MCTP1: variants seen among roughly 807,000 people sequenced by gnomAD.
MCTP1 encodes the protein multiple C2 and transmembrane domain containing 1.
Under a neutral mutation model 120.6 loss-of-function variants are expected in MCTP1, and 69 were observed. The observed-to-expected ratio is 0.57, with a 90% CI of 0.47 to 0.70. MCTP1 has a LOEUF of 0.70. MCTP1 is among the 30% of genes least tolerant of loss of function. The pLI is 0.00. For synonymous variants in MCTP1, 529 were observed against 493.1 expected (o/e 1.07, Z -0.96); for missense variants, 1,203 against 1,248.8 (o/e 0.96, Z 0.55).
chr5:95,281,491 C>T (rs928829923), intron 1 of MCTP1, among the ~76,000 whole-genome samples: 13 of 152,312 alleles, frequency 8.5e-5, no homozygotes, highest in Non-Finnish European at 1.9e-4. Context: ...GAAATCTCTC[C>T]ACTTCCCAGA....
intron 9 of MCTP1, 46 bp downstream of exon 9, chr5:94,912,760 C>G (rs1809069578): frequency 6.9e-7 from 1 of 1,458,764 alleles, no homozygotes; most frequent in Non-Finnish European, 9.1e-7. Context: ...ATTAACCAAC[C>G]AATGCCTTCC....
chr5:94,881,865 A>C (rs892159808), intron 12 of MCTP1, among the ~76,000 whole-genome samples: 3 of 152,166 alleles, frequency 2.0e-5, no homozygotes, highest in Admixed American at 6.6e-5. Context: ...CAGATATACC[A>C]GTTGAAAATA....
In MCTP1 at chr5:94,819,458, C is replaced by A. The variant is rs1785190319; in HGVS notation, c.2437-20326G>T. 2.0e-5 allele frequency among the ~76,000 whole-genome samples: 3 copies of A among 152,084 alleles called. No homozygotes were observed. In the South Asian group the frequency reaches 6.2e-4, roughly 32 times the overall value. ...ACTACTTCAAATTTATACTCCTTGT[C>A]TCTGATTGGCTTCCCTTAGCACTCT... On this transcript the variant is annotated intron_variant, in intron 17 of 22. Transcript: ENST00000515393.
At chr5:95,174,137 G>T in intron 1 of MCTP1, among the ~76,000 whole-genome samples, 1 of 152,168 alleles carries the variant, frequency 6.6e-6, no homozygotes, top group African/African-American at 2.4e-5. Flanking sequence ...CTTGCTAGGG[G>T]AGGGGCATGA....
chr5:95,111,719 G>T (rs923662707), intron 1 of MCTP1, among the ~76,000 whole-genome samples: 3 of 152,170 alleles, frequency 2.0e-5, no homozygotes, highest in African/African-American at 4.8e-5. Context: ...AATTGAACAT[G>T]ACAAGTCAGT....
At chr5:95,073,056 A>G (rs1328731021) in intron 1 of MCTP1, among the ~76,000 whole-genome samples, 3 of 152,216 alleles carry the variant, frequency 2.0e-5, no homozygotes, top group East Asian at 3.9e-4. Flanking sequence ...CCTCTTTCTC[A>G]AGCCCTGTGC....
chr5:94,773,112 G>A (rs1164681708), intron 19 of MCTP1, among the ~76,000 whole-genome samples: 1 of 152,146 alleles, frequency 6.6e-6, no homozygotes, highest in Non-Finnish European at 1.5e-5. Context: ...AGGAGAAATG[G>A]ATCCTTCCCT....
intron 2 of MCTP1, among the ~76,000 whole-genome samples, chr5:94,968,023 T>C (rs1825994314): frequency 6.6e-6 from 1 of 152,202 alleles, no homozygotes; most frequent in Non-Finnish European, 1.5e-5. Flanking sequence ...TTTTAGTGAT[T>C]GAGAGTCCTT....
At chr5:95,173,451 A>G (rs1041640771) in intron 1 of MCTP1, among the ~76,000 whole-genome samples, 6 of 152,212 alleles carry the variant, frequency 3.9e-5, no homozygotes, top group African/African-American at 7.2e-5. Flanking sequence ...GACTACAAGG[A>G]GAGACTCCTA....
At chr5:94,782,884 G>A (rs1191332001) in intron 18 of MCTP1, among the ~76,000 whole-genome samples, 3 of 152,016 alleles carry the variant, frequency 2.0e-5, no homozygotes, top group Admixed American at 6.6e-5. Flanking sequence ...TACGAAGTTC[G>A]GTTTTTTCTC....
chr5:94,859,276 CTATT>C (rs1795285699), intron 17 of MCTP1, among the ~76,000 whole-genome samples: 1 of 151,564 alleles, frequency 6.6e-6, no homozygotes, highest in African/African-American at 2.4e-5. Context: ...GAACAAAACT[CTATT>C]TAAAAAAATT....
At chr5:95,224,100 G>T (rs12108709) in intron 1 of MCTP1, among the ~76,000 whole-genome samples, 25,302 of 152,112 alleles carry the variant, frequency 0.17, 2,249 homozygotes, top group African/African-American at 0.24. Flanking sequence ...AAATGCAATG[G>T]CTCTGGTGGT....
At chr5:94,735,770 A>G (rs1764088280) in intron 19 of MCTP1, among the ~76,000 whole-genome samples, 1 of 132,114 alleles carries the variant, frequency 7.6e-6, no homozygotes, top group Admixed American at 8.3e-5. Context: ...ATTTCCACCA[A>G]AATTGCTACA....
intron 1 of MCTP1, among the ~76,000 whole-genome samples, chr5:95,122,193 C>G (rs918385302): frequency 2.7e-5 from 4 of 149,292 alleles, no homozygotes; most frequent in Admixed American, 1.3e-4. Flanking sequence ...AGTAAACAAT[C>G]AACAAAGTGA....
At chr5:95,234,648 C>T (rs1410200961) in intron 1 of MCTP1, among the ~76,000 whole-genome samples, 7 of 152,080 alleles carry the variant, frequency 4.6e-5, no homozygotes, top group Non-Finnish European at 8.8e-5. Context: ...ATATTTAAAA[C>T]TTATCCGTGA....
chr5:95,012,789 C>T (rs1463075040), intron 2 of MCTP1, among the ~76,000 whole-genome samples: 1 of 152,118 alleles, frequency 6.6e-6, no homozygotes, highest in African/African-American at 2.4e-5. Context: ...TCCTTCTCCT[C>T]AGGCCTCCCT....
intron 1 of MCTP1, among the ~76,000 whole-genome samples, chr5:95,256,322 C>T (rs1170248929): frequency 1.3e-5 from 2 of 152,132 alleles, no homozygotes; most frequent in African/African-American, 4.8e-5. Context: ...GGGGCATGGC[C>T]CACTCCCTGT....
intron 1 of MCTP1, among the ~76,000 whole-genome samples, chr5:95,264,314 A>G (rs1318329649): frequency 2.0e-5 from 3 of 152,214 alleles, no homozygotes; most frequent in Non-Finnish European, 2.9e-5. Flanking sequence ...TCTCATTAGC[A>G]TGGCTTTTCA....
intron 7 of MCTP1, among the ~76,000 whole-genome samples, chr5:94,922,364 T>C (rs1811875340): frequency 2.0e-5 from 3 of 152,212 alleles, no homozygotes; most frequent in Non-Finnish European, 4.4e-5. Context: ...GTATTAATTA[T>C]GAAGTTCGCC....
Sources: allele counts gnomAD v4.1 joint callset (sites outside exome capture counted in the v4.1 genomes callset), GRCh38; gene constraint gnomAD v4.1.1; transcripts MANE v1.5; gene names NCBI Gene and HGNC (gene_info 2026-07-23, HGNC 2026-07-21).